DHX9: variants seen among roughly 807,000 people sequenced by gnomAD.
DHX9 encodes DExH-box helicase 9, also known as ATP-dependent RNA helicase A.
In DHX9, 27 loss-of-function variants were observed where a neutral mutation model predicts 148.7. The observed-to-expected ratio is 0.18, with a 90% CI of 0.13 to 0.25. DHX9 has a LOEUF of 0.25. Ranked by LOEUF, DHX9 falls within the 10% of genes least tolerant of loss-of-function variation. DHX9 has a pLI of 1.00. For synonymous variants in DHX9, 529 were observed against 516.6 expected, an observed-to-expected ratio of 1.02 and a Z score of -0.33; for missense variants, 796 against 1,559.6, an observed-to-expected ratio of 0.51 and a Z score of 8.25.
Position 182,876,580 on chromosome 1 carries a change from C to T in DHX9, c.2124+39C>T, listed in dbSNP as rs184739727. ...ATTAGAGTGATGGGATTGGAAGTGACGTAGATACTAAACAAATGTTACAGG... is the reference window on the plus strand; with the variant it reads ...ATTAGAGTGATGGGATTGGAAGTGATGTAGATACTAAACAAATGTTACAGG... On this transcript the variant is annotated intron_variant, in intron 18 of 27. Coordinates refer to ENST00000367549, the MANE Select transcript of DHX9 (RefSeq NM_001357.5). 1.8e-3 allele frequency: 2,783 copies of T among 1,533,784 alleles called. 74 individuals are homozygous for T. The Admixed American group carries it at 0.043, about 24-fold the overall frequency.
At chr1:182,849,516 A>G (rs1668093577) in intron 3 of DHX9, among the ~76,000 whole-genome samples, 1 of 152,174 alleles carries the variant, frequency 6.6e-6, no homozygotes, top group African/African-American at 2.4e-5. Context: ...ATGTCTGGAG[A>G]TGTTTGAACT....
intron 12 of DHX9, 100 bp from the exon 13 acceptor site, chr1:182,866,344 T>C: frequency 8.5e-7 from 1 of 1,169,822 alleles, no homozygotes; most frequent in Non-Finnish European, 1.2e-6. Context: ...ATTATTCAAC[T>C]AGCAGTAGGA....
intron 12 of DHX9, among the ~76,000 whole-genome samples, chr1:182,863,133 T>A (rs563982817): frequency 3.3e-5 from 5 of 152,242 alleles, no homozygotes; most frequent in Non-Finnish European, 7.3e-5. Flanking sequence ...CTTTCATCAC[T>A]GGTACTTTCT....
intron 4 of DHX9, among the ~76,000 whole-genome samples, chr1:182,852,791 C>G (rs1318844152): frequency 2.0e-5 from 3 of 152,158 alleles, no homozygotes; most frequent in African/African-American, 4.8e-5. Context: ...TTCCAAGAAC[C>G]TAGCAGCGAC....
Position 182,842,673 on chromosome 1 carries a change from G to A in DHX9, c.107G>A (p.Cys36Tyr), listed in dbSNP as rs1399282769. The A allele has an allele frequency of 1.2e-6, 2 of 1,610,424 alleles. No individual in the cohort carries two copies. Among genetic ancestry groups the A allele is most frequent in the South Asian group, 1.1e-5 (1 of 90,784 alleles). The change falls in exon 2 of 28, where the codon TGT becomes TAT. Residue 36 changes from cysteine (C) to tyrosine (Y), a missense_variant. By Grantham distance (194) the Cys-to-Tyr change is radical. Coordinates refer to ENST00000367549, the MANE Select transcript of DHX9 (RefSeq NM_001357.5). ...VGNKNRQKFM[C>Y]EVQVEGYNYT... ...AACAAAAACAGGCAGAAATTCATGT[G>A]TGAGGTACTGAAGAATACAGTTTGC...
At chr1:182,842,998 A>C (rs553415048) in intron 2 of DHX9, among the ~76,000 whole-genome samples, 25 of 152,352 alleles carry the variant, frequency 1.6e-4, no homozygotes, top group African/African-American at 5.5e-4. Context: ...GCTTCAAATC[A>C]AAGTGCTTAA....
At chr1:182,883,757 T>G in intron 26 of DHX9, 122 bp downstream of exon 26, 1 of 571,850 alleles carries the variant, frequency 1.7e-6, no homozygotes, top group Non-Finnish European at 2.9e-6. Context: ...TACTATATAC[T>G]TAATCTTAAA....
chr1:182,860,305 T>A, intron 12 of DHX9, 121 bp downstream of exon 12: 1 of 887,344 alleles, frequency 1.1e-6, no homozygotes, highest in Non-Finnish European at 1.6e-6. Context: ...AAATTAAATT[T>A]AAAAAAAGAA....
At chr1:182,853,535 A>G (rs1398777603) in intron 5 of DHX9, 117 bp downstream of exon 5, 3 of 685,002 alleles carry the variant, frequency 4.4e-6, no homozygotes, top group African/African-American at 3.7e-5. Context: ...TTAAGAGGTT[A>G]TTTGAGACTA....
intron 12 of DHX9, among the ~76,000 whole-genome samples, chr1:182,864,781 G>T (rs1205904941): frequency 1.3e-5 from 2 of 152,178 alleles, no homozygotes; most frequent in Non-Finnish European, 2.9e-5. Context: ...TGGTTTCTTA[G>T]CACCTCCTGT....
intron 7 of DHX9, among the ~76,000 whole-genome samples, 165 bp downstream of exon 7, chr1:182,856,743 G>C (rs921707848): frequency 1.3e-5 from 2 of 152,202 alleles, no homozygotes; most frequent in African/African-American, 2.4e-5. Flanking sequence ...ATATAAATTA[G>C]AGGCAAAGTC....
intron 3 of DHX9, among the ~76,000 whole-genome samples, chr1:182,848,740 T>C (rs1168867098): frequency 6.6e-6 from 1 of 152,242 alleles, no homozygotes; most frequent in Non-Finnish European, 1.5e-5. Flanking sequence ...CTCACAATTA[T>C]GCAGGCTTTA....
intron 14 of DHX9, among the ~76,000 whole-genome samples, chr1:182,867,512 C>T (rs1180591643): frequency 2.6e-5 from 4 of 152,292 alleles, no homozygotes; most frequent in Middle Eastern, 6.8e-3. Context: ...AAGCAATTCT[C>T]CTGCCTCAGC....
chr1:182,877,034 A>T (rs1648834311), intron 19 of DHX9, 131 bp downstream of exon 19: 2 of 589,344 alleles, frequency 3.4e-6, no homozygotes, highest in Non-Finnish European at 6.0e-6. Context: ...TTGTGCATCT[A>T]TATAGCATTA....
At chr1:182,885,750 A>G (rs1191482560) in intron 27 of DHX9, among the ~76,000 whole-genome samples, 1 of 152,226 alleles carries the variant, frequency 6.6e-6, no homozygotes, top group East Asian at 1.9e-4. Flanking sequence ...CCAGGTTCAA[A>G]CCCAGGCAAC....
At chr1:182,849,744 G>A (rs1668097430) in intron 3 of DHX9, among the ~76,000 whole-genome samples, 1 of 151,802 alleles carries the variant, frequency 6.6e-6, no homozygotes, top group Non-Finnish European at 1.5e-5. Context: ...AACATCTTTT[G>A]GGCTTTAAGG....
chr1:182,843,485 ACT>A (rs775485045), intron 3 of DHX9, 51 bp downstream of exon 3: 46 of 1,456,122 alleles, frequency 3.2e-5, no homozygotes, highest in Non-Finnish European at 4.1e-5. Context: ...AGTTGTACAA[ACT>A]CAATATGCGT....
At chr1:182,847,775 G>A (rs550361816) in intron 3 of DHX9, among the ~76,000 whole-genome samples, 8 of 152,266 alleles carry the variant, frequency 5.3e-5, no homozygotes, top group East Asian at 1.9e-4. Context: ...TTGATACTCC[G>A]TGCTTCCCCA....
chr1:182,858,806 A>G lies in DHX9; in HGVS notation c.974A>G (p.Asn325Ser). The change falls in exon 10 of 28, where the codon AAC becomes AGC. Residue 325 changes from asparagine to serine, a missense_variant. Transcript: ENST00000367549. The part of the protein sequence containing the change: ...LAQFEPSQRQ[N>S]QVGVVPWSPP... ...CAGTTCGAACCATCTCAGCGACAAA[A>G]CCAAGTGGGTGTGGTTCCTTGGTCA... The G allele has an allele frequency of 6.2e-7, 1 of 1,614,136 alleles. No homozygotes were observed. Among genetic ancestry groups the G allele is most frequent in the Non-Finnish European group, 8.5e-7 (1 of 1,180,016 alleles).
Sources: allele counts gnomAD v4.1 joint callset (sites outside exome capture counted in the v4.1 genomes callset), GRCh38; gene constraint gnomAD v4.1.1; transcripts MANE v1.5; gene names NCBI Gene and HGNC (gene_info 2026-07-23, HGNC 2026-07-21).